CAGE1: variants seen among roughly 807,000 people sequenced by gnomAD.
The protein encoded by CAGE1 is cancer-associated gene 1 protein.
A neutral mutation model predicts 94.9 loss-of-function variants in CAGE1; 66 were observed. That is an observed-to-expected ratio of 0.70 (90% CI 0.57 to 0.85). The LOEUF (loss-of-function observed/expected upper bound fraction) is 0.85. CAGE1 is among the 40% of genes least tolerant of loss of function. The pLI is 0.00. For missense variants in CAGE1, 865 were observed against 950.4 expected (o/e 0.91, Z 1.18); for synonymous variants, 319 against 321.0 (o/e 0.99, Z 0.07).
At position 7,387,199 on chromosome 6, in the gene CAGE1, T is replaced by TA. The variant is rs2113482309; in HGVS notation, c.-23-4_-23-3insT. 9.4e-6 allele frequency: 14 copies of TA among 1,497,194 alleles called. No individual in the cohort carries two copies. Among genetic ancestry groups the TA allele is most frequent in the Admixed American group, 2.3e-5 (1 of 44,328 alleles). 92.7% of individuals were successfully genotyped at this position (1,497,194 alleles called of 1,614,324 possible). A position where few individuals can be genotyped will look rare whatever the true frequency, so the allele number is the denominator to read the frequency against. On this transcript the variant is annotated splice_polypyrimidine_tract_variant and splice_region_variant and intron_variant, in intron 1 of 13. Coordinates refer to ENST00000502583, the MANE Select transcript of CAGE1 (RefSeq NM_001170692.2). Reference sequence around the variant, plus strand: ...AACTGTTGAACAATAGAAGACTTCTTTAAAAAAAAAATGTGTCTATTAGTA... The same window carrying TA: ...AACTGTTGAACAATAGAAGACTTCTTATAAAAAAAAAATGTGTCTATTAGTA...
intron 13 of CAGE1, chr6:7,329,386 C>A (rs1209537192): frequency 5.9e-6 from 2 of 340,472 alleles, no homozygotes; most frequent in African/African-American, 2.1e-5. Flanking sequence ...AGGGCTGGAG[C>A]CAGATCATAG....
chr6:7,386,227 G>A (rs550926890), intron 2 of CAGE1, among the ~76,000 whole-genome samples: 236 of 151,332 alleles, frequency 1.6e-3, no homozygotes, highest in Middle Eastern at 0.014. Context: ...GGTTATTTCA[G>A]TCTTTTAACA....
intron 12 of CAGE1, chr6:7,331,244 T>C (rs1161324206): frequency 3.7e-6 from 2 of 533,808 alleles, no homozygotes; most frequent in East Asian, 9.2e-5. Flanking sequence ...CAGAATTACA[T>C]CTGTAATTAA....
chr6:7,355,101 T>C lies in CAGE1; in HGVS notation c.2309A>G (p.Tyr770Cys). 3 of 1,605,882 alleles carry C rather than the reference T, an allele frequency of 1.9e-6. No homozygotes were observed. Among genetic ancestry groups the C allele is most frequent in the Middle Eastern group, 1.7e-4 (1 of 6,040 alleles). The change falls in exon 11 of 14, where the codon TAT (tyrosine) becomes TGT (cysteine). Residue 770 changes from tyrosine to cysteine, a missense_variant. Physicochemically the swap from Tyr to Cys is radical, Grantham distance 194. Coordinates refer to ENST00000502583, the MANE Select transcript of CAGE1 (RefSeq NM_001170692.2). The part of the protein sequence containing the change: ...LGNLIKKVTS[Y>C]EEIIECADQR... Reference sequence around the variant, plus strand: ...GTCAGCACATTCAATGATTTCTTCATATGATGTAACCTTGAAAAAAATAAG... The same window carrying C: ...GTCAGCACATTCAATGATTTCTTCACATGATGTAACCTTGAAAAAAATAAG...
rs540000339 is a variant in CAGE1 at position 7,357,046 on chromosome 6, C to T, written c.2194-917G>A. 2.2e-4 allele frequency among the ~76,000 whole-genome samples: 34 copies of T among 152,228 alleles called. No homozygotes were observed. In the South Asian group the frequency reaches 5.6e-3, roughly 25 times the overall value. ...TCCTGAGCTCAGGTGATCCGCCCCC[C>T]GTCGGCCTCCCAAAGTGCTGAGATT... On this transcript the variant is annotated intron_variant, in intron 9 of 13. Coordinates refer to ENST00000502583, the MANE Select transcript of CAGE1 (RefSeq NM_001170692.2).
At chr6:7,337,056 C>T (rs1446189276) in intron 11 of CAGE1, among the ~76,000 whole-genome samples, 2 of 152,032 alleles carry the variant, frequency 1.3e-5, no homozygotes, top group Non-Finnish European at 2.9e-5. Context: ...GGCAAGGTGG[C>T]TCACACCTGT....
At position 7,373,643 on chromosome 6, in the gene CAGE1, C is replaced by T. The variant is rs1276257233; in HGVS notation, c.1176G>A (p.Thr392=). 11 of 1,612,920 alleles carry T rather than the reference C, an allele frequency of 6.8e-6. No homozygotes were observed. The highest frequency in any genetic ancestry group is 4.0e-5 in the African/African-American group (3 of 74,882). Residue 392 remains threonine (T), a synonymous_variant, in exon 5 of 14, where the codon ACG becomes ACA. Transcript: ENST00000502583. ...LQNLEEVLAN[T]QKHLQESRND... Reference sequence around the variant, plus strand: ...TCCTGGATTCCTGAAGATGTTTTTGCGTGTTAGCTAAAACCTCTTCCAAAT... The same window carrying T: ...TCCTGGATTCCTGAAGATGTTTTTGTGTGTTAGCTAAAACCTCTTCCAAAT...
chr6:7,378,464 T>C, intron 4 of CAGE1, 153 bp downstream of exon 4: 1 of 193,252 alleles, frequency 5.2e-6, no homozygotes, highest in Non-Finnish European at 9.5e-6. Flanking sequence ...TATATATATA[T>C]ATACAATTTT....
intron 13 of CAGE1, 26 bp from the exon 14 acceptor site, chr6:7,326,925 G>A (rs367911590): frequency 1.9e-5 from 29 of 1,562,382 alleles, no homozygotes; most frequent in Middle Eastern, 1.7e-4. Flanking sequence ...AAAATGTTTC[G>A]TAAGTTTTGG....
chr6:7,338,906 G>A (rs1424224061), intron 11 of CAGE1: 2 of 1,521,566 alleles, frequency 1.3e-6, no homozygotes, highest in South Asian at 1.1e-5. Flanking sequence ...TGAGATGGGG[G>A]TGGTGGGCAG....
intron 5 of CAGE1, among the ~76,000 whole-genome samples, chr6:7,371,181 G>C (rs1017940027): frequency 1.3e-5 from 2 of 152,112 alleles, no homozygotes; most frequent in Non-Finnish European, 2.9e-5. Context: ...AGAAATGCAC[G>C]TTCTCAGGCC....
Position 7,373,620 on chromosome 6 carries a change from C to T in CAGE1, c.1199G>A (p.Arg400Lys), listed in dbSNP as rs748248507. ...AAGCTGTAACATTTCCTTGTCATTC[C>T]TGGATTCCTGAAGATGTTTTTGCGT... ...ANTQKHLQESRNDKEMLQLQF... is the reference protein window; with the variant it reads ...ANTQKHLQESKNDKEMLQLQF... Residue 400 changes from arginine (R) to lysine (K), a missense_variant, in exon 5 of 14, where the codon AGG becomes AAG. Coordinates refer to ENST00000502583, the MANE Select transcript of CAGE1 (RefSeq NM_001170692.2). The T allele has an allele frequency of 6.2e-7, 1 of 1,613,204 alleles. No individual in the cohort carries two copies. The highest frequency in any genetic ancestry group is 1.7e-5 in the Admixed American group (1 of 59,972).
intron 9 of CAGE1, among the ~76,000 whole-genome samples, chr6:7,361,894 T>C (rs966416521): frequency 2.0e-5 from 3 of 152,210 alleles, no homozygotes; most frequent in Non-Finnish European, 2.9e-5. Flanking sequence ...TTAGTGATGA[T>C]CCTAGTCTCT....
chr6:7,351,797 T>C (rs1366952833), intron 11 of CAGE1, among the ~76,000 whole-genome samples: 1 of 152,190 alleles, frequency 6.6e-6, no homozygotes, highest in Non-Finnish European at 1.5e-5. Context: ...ATCTTCTCAA[T>C]AGATTCAGAA....
Position 7,378,653 on chromosome 6 carries a change from G to A in CAGE1, c.651C>T (p.Ala217=), listed in dbSNP as rs555680312. The part of the protein sequence containing the change: ...SLAKSIAKES[A]LNPSQPPSFL... ...AGCTTGGAGGTTGGCTAGGGTTGAG[G>A]GCAGATTCCTTGGCAATACTTTTAG... is the stretch of plus-strand genomic sequence containing the variant. The change falls in exon 4 of 14, where the codon GCC becomes GCT. Residue 217 remains alanine, a synonymous_variant. Coordinates refer to ENST00000502583, the MANE Select transcript of CAGE1 (RefSeq NM_001170692.2). 349 of 1,608,158 alleles carry A rather than the reference G, an allele frequency of 2.2e-4. 4 individuals carry two copies. In the South Asian group the frequency reaches 3.7e-3, roughly 17 times the overall value.
intron 11 of CAGE1, chr6:7,338,847 T>C: frequency 8.0e-7 from 1 of 1,256,208 alleles, no homozygotes; most frequent in Non-Finnish European, 1.2e-6. Flanking sequence ...TGTTATGCTG[T>C]GGTGACTGAG....
chr6:7,344,736 C>T (rs1208756245), intron 11 of CAGE1, among the ~76,000 whole-genome samples: 3 of 152,228 alleles, frequency 2.0e-5, no homozygotes, highest in African/African-American at 7.2e-5. Flanking sequence ...TGTAAATACA[C>T]CAATCAGCAC....
At chr6:7,379,667 T>A (rs1052753528) in intron 3 of CAGE1, among the ~76,000 whole-genome samples, 1 of 152,190 alleles carries the variant, frequency 6.6e-6, no homozygotes, top group Non-Finnish European at 1.5e-5. Flanking sequence ...ACTTTCCTCC[T>A]CCCCAGAGAT....
At chr6:7,333,883 G>A (rs1434451486) in intron 12 of CAGE1, 139 bp downstream of exon 12, 4 of 518,944 alleles carry the variant, frequency 7.7e-6, no homozygotes, top group Admixed American at 3.5e-5. Context: ...GGCCAGGCTG[G>A]TCTCGAACTC....
Sources: allele counts gnomAD v4.1 joint callset (sites outside exome capture counted in the v4.1 genomes callset), GRCh38; gene constraint gnomAD v4.1.1; transcripts MANE v1.5; gene names NCBI Gene and HGNC (gene_info 2026-07-23, HGNC 2026-07-21).